DOCK3: variants seen among roughly 807,000 people sequenced by gnomAD.
DOCK3 encodes dedicator of cytokinesis protein 3.
In DOCK3, 60 loss-of-function variants were observed where a neutral mutation model predicts 265.6. The ratio of observed to expected loss-of-function variants is 0.23; its 90% confidence interval spans 0.18 to 0.28. The LOEUF (loss-of-function observed/expected upper bound fraction) is 0.28. DOCK3 is among the 10% of genes least tolerant of loss of function. The pLI, the probability that DOCK3 is intolerant of heterozygous loss-of-function variation, is 1.00. For missense variants in DOCK3, 1,981 were observed against 2,594.3 expected, an observed-to-expected ratio of 0.76 and a Z score of 5.14; for synonymous variants, 881 against 938.0, an observed-to-expected ratio of 0.94 and a Z score of 1.11.
chr3:50,863,283 G>T (rs2046996551), intron 3 of DOCK3: 3 of 427,420 alleles, frequency 7.0e-6, no homozygotes, highest in South Asian at 5.5e-5. Flanking sequence ...TATGACAAGT[G>T]CCGAACCTGT....
intron 49 of DOCK3, among the ~76,000 whole-genome samples, chr3:51,367,876 G>A (rs1187778980): frequency 6.6e-6 from 1 of 152,192 alleles, no homozygotes; most frequent in Non-Finnish European, 1.5e-5. Flanking sequence ...AGTCTGATGG[G>A]CTTCCCTTTG....
intron 5 of DOCK3, among the ~76,000 whole-genome samples, chr3:50,994,072 G>A (rs1575703666): frequency 3.3e-5 from 5 of 152,220 alleles, no homozygotes; most frequent in South Asian, 4.2e-4. Context: ...ATCTGCTTCC[G>A]TAGCATTGAT....
intron 1 of DOCK3, among the ~76,000 whole-genome samples, chr3:50,754,265 A>G (rs890770614): frequency 1.3e-5 from 2 of 151,652 alleles, no homozygotes; most frequent in East Asian, 3.9e-4. Context: ...GGACATAAAT[A>G]TGGGAACAGT....
chr3:51,364,315 C>T (rs2086969458), intron 49 of DOCK3, among the ~76,000 whole-genome samples: 1 of 152,130 alleles, frequency 6.6e-6, no homozygotes, highest in Non-Finnish European at 1.5e-5. Context: ...ATATCCTTTG[C>T]CCACTTTTTG....
At chr3:51,184,537 A>G (rs1467474760) in intron 12 of DOCK3, among the ~76,000 whole-genome samples, 1 of 79,180 alleles carries the variant, frequency 1.3e-5, no homozygotes, top group Non-Finnish European at 2.7e-5. Context: ...CAAAATTGGA[A>G]CAATTTTAGC....
intron 6 of DOCK3, among the ~76,000 whole-genome samples, chr3:51,073,885 A>C (rs926878896): frequency 6.6e-6 from 1 of 152,120 alleles, no homozygotes; most frequent in Non-Finnish European, 1.5e-5. Flanking sequence ...TTCTCCATAT[A>C]GGTTTGATTT....
chr3:51,048,949 A>ATAC (rs1164300648), intron 5 of DOCK3, among the ~76,000 whole-genome samples: 1 of 152,166 alleles, frequency 6.6e-6, no homozygotes, highest in East Asian at 1.9e-4. Flanking sequence ...TATCACCAGA[A>ATAC]TACCTGTATC....
intron 5 of DOCK3, among the ~76,000 whole-genome samples, chr3:50,967,772 A>T (rs1252052614): frequency 6.6e-6 from 1 of 152,090 alleles, no homozygotes; most frequent in Non-Finnish European, 1.5e-5. Flanking sequence ...CGAGAAAAGG[A>T]TGGGGGAACC....
At chr3:51,019,412 G>A (rs2079492616) in intron 5 of DOCK3, among the ~76,000 whole-genome samples, 1 of 151,730 alleles carries the variant, frequency 6.6e-6, no homozygotes, top group Admixed American at 6.6e-5. Context: ...ATATGTGTGG[G>A]TCTCTTTCCA....
At chr3:50,731,768 A>G (rs1290422581) in intron 1 of DOCK3, among the ~76,000 whole-genome samples, 3 of 152,204 alleles carry the variant, frequency 2.0e-5, no homozygotes, top group Admixed American at 1.3e-4. Flanking sequence ...CATTTTTAAT[A>G]ATAAAACCTA....
intron 5 of DOCK3, among the ~76,000 whole-genome samples, chr3:50,974,770 G>C (rs2077375198): frequency 1.4e-5 from 2 of 140,050 alleles, no homozygotes; most frequent in South Asian, 5.3e-4. Flanking sequence ...TCCTACCCAT[G>C]AGCATGGAAT....
intron 40 of DOCK3, among the ~76,000 whole-genome samples, chr3:51,351,203 G>T (rs2085951586): frequency 6.6e-6 from 1 of 152,190 alleles, no homozygotes; most frequent in African/African-American, 2.4e-5. Flanking sequence ...TGTGGGCCCT[G>T]GAGCAGTTGA....
intron 9 of DOCK3, among the ~76,000 whole-genome samples, chr3:51,091,346 T>C (rs2082628773): frequency 6.6e-6 from 1 of 152,158 alleles, no homozygotes; most frequent in East Asian, 1.9e-4. Context: ...TTCTTCAAGC[T>C]ACATTTTATG....
At chr3:51,123,225 C>T (rs989282383) in intron 9 of DOCK3, among the ~76,000 whole-genome samples, 3 of 152,144 alleles carry the variant, frequency 2.0e-5, no homozygotes, top group African/African-American at 7.2e-5. Context: ...AGCTTCAGCC[C>T]ATAAGTCAGA....
intron 10 of DOCK3, among the ~76,000 whole-genome samples, chr3:51,153,320 G>A (rs1560133923): frequency 6.6e-6 from 1 of 152,218 alleles, no homozygotes; most frequent in African/African-American, 2.4e-5. Context: ...CCCAGGCACA[G>A]GATGTAATCT....
At chr3:50,771,193 A>G (rs1488998447) in intron 1 of DOCK3, among the ~76,000 whole-genome samples, 1 of 152,258 alleles carries the variant, frequency 6.6e-6, no homozygotes, top group Non-Finnish European at 1.5e-5. Flanking sequence ...TTTGCAAACT[A>G]CGCATCTGAG....
intron 3 of DOCK3, among the ~76,000 whole-genome samples, chr3:50,869,911 G>A (rs1295207867): frequency 1.3e-5 from 2 of 152,034 alleles, no homozygotes; most frequent in African/African-American, 2.4e-5. Context: ...TGTTTTATCT[G>A]CATACATTTG....
chr3:50,903,839 T>C (rs1019867435), intron 4 of DOCK3, among the ~76,000 whole-genome samples: 1 of 152,118 alleles, frequency 6.6e-6, no homozygotes, highest in Non-Finnish European at 1.5e-5. Context: ...TATTTATATA[T>C]GTGCCGTGTT....
At chr3:50,803,829 G>A (rs1046768932) in intron 2 of DOCK3, among the ~76,000 whole-genome samples, 3 of 151,420 alleles carry the variant, frequency 2.0e-5, no homozygotes, top group African/African-American at 7.3e-5. Context: ...GCAGCTGGCC[G>A]GGTTGGGGCT....
Sources: allele counts gnomAD v4.1 joint callset (sites outside exome capture counted in the v4.1 genomes callset), GRCh38; gene constraint gnomAD v4.1.1; transcripts MANE v1.5; gene names NCBI Gene and HGNC (gene_info 2026-07-23, HGNC 2026-07-21).